The following SLC12A2 variants were observed in gnomAD, a reference collection of about 807,000 sequenced individuals.
The protein encoded by SLC12A2 is Na-K-2Cl cotransporter 1.
Under a neutral mutation model 136.3 loss-of-function variants are expected in SLC12A2, and 67 were observed. That is an observed-to-expected ratio of 0.49 (90% confidence interval 0.40 to 0.60). The LOEUF (loss-of-function observed/expected upper bound fraction) is 0.60. SLC12A2 is among the 20% of genes least tolerant of loss of function. The pLI, the probability that SLC12A2 is intolerant of heterozygous loss-of-function variation, is 0.00. For missense variants in SLC12A2, 1,322 were observed against 1,534.7 expected (o/e 0.86, Z 2.32); for synonymous variants, 619 against 562.9 (o/e 1.10, Z -1.41).
intron 5 of SLC12A2, among the ~76,000 whole-genome samples, chr5:128,132,956 T>G (rs1189388333): frequency 3.3e-5 from 5 of 152,182 alleles, no homozygotes; most frequent in Admixed American, 2.0e-4. Context: ...ATTTCAAACA[T>G]TTTAAACTAC....
At chr5:128,129,437 T>C (rs1263464902) in intron 4 of SLC12A2, among the ~76,000 whole-genome samples, 2 of 151,798 alleles carry the variant, frequency 1.3e-5, no homozygotes, top group Non-Finnish European at 2.9e-5. Context: ...GTCATTTTTA[T>C]CTCAAAATCA....
rs1421199063 is a variant in SLC12A2, at chr5:128,189,511, G to T, written c.*2880G>T. ...CTATGGAAATAATTTAAAGATTTAA[G>T]CTCTGGTGGATGATTATCTGCTAAG... On this transcript the variant is annotated 3_prime_UTR_variant, in exon 27 of 27. Transcript: ENST00000262461. The T allele has an allele frequency of 6.6e-6, 1 of 152,468 alleles. No homozygotes were observed. Among genetic ancestry groups the T allele is most frequent in the Non-Finnish European group, 1.5e-5 (1 of 67,996 alleles). The allele number at this position is 152,468 out of a possible 1,614,324, so 9.4% of individuals were successfully genotyped here. A position where few individuals can be genotyped will look rare whatever the true frequency, so the allele number is the denominator to read the frequency against.
At chr5:128,156,038 C>G (rs895916828) in intron 15 of SLC12A2, among the ~76,000 whole-genome samples, 1 of 152,050 alleles carries the variant, frequency 6.6e-6, no homozygotes, top group African/African-American at 2.4e-5. Context: ...TAAGCCCCAG[C>G]TTAGTAGGGT....
rs143096524 is a variant in SLC12A2, at chr5:128,158,661, C to T, written c.2475+497C>T. 8.3e-4 allele frequency among the ~76,000 whole-genome samples: 127 copies of T among 152,226 alleles called. 2 individuals carry two copies. In the East Asian group the frequency reaches 0.016, roughly 20 times the overall value. ...ATGTTGTGAATAGTGCTTCAATGAACGTACGCATGCATGTGTCTTTATGGT... is the reference window on the plus strand; with the variant it reads ...ATGTTGTGAATAGTGCTTCAATGAATGTACGCATGCATGTGTCTTTATGGT... On this transcript the variant is annotated intron_variant, in intron 16 of 26. Transcript: ENST00000262461.
chr5:128,151,808 A>G (rs758972396), intron 14 of SLC12A2, among the ~76,000 whole-genome samples: 1 of 152,118 alleles, frequency 6.6e-6, no homozygotes, highest in Non-Finnish European at 1.5e-5. Flanking sequence ...TGGTCCTTGA[A>G]CTGGAGTGAG....
In SLC12A2 at chr5:128,186,840, G is replaced by A. The variant is rs1763885247; in HGVS notation, c.*209G>A. On this transcript the variant is annotated 3_prime_UTR_variant, in exon 27 of 27. Coordinates refer to ENST00000262461, the MANE Select transcript of SLC12A2 (RefSeq NM_001046.3). ...TCAATTCCATATCTCAATCTTAATGGTGATTCTTCTCTGTTGAACTGAAGT... is the reference window on the plus strand; with the variant it reads ...TCAATTCCATATCTCAATCTTAATGATGATTCTTCTCTGTTGAACTGAAGT... 2 of 430,384 alleles carry A rather than the reference G, an allele frequency of 4.6e-6. No individual in the cohort carries two copies. Among genetic ancestry groups the A allele is most frequent in the Non-Finnish European group, 8.2e-6 (2 of 243,196 alleles). 26.7% of individuals were successfully genotyped at this position (430,384 alleles called of 1,614,324 possible). A position where few individuals can be genotyped will look rare whatever the true frequency, so the allele number is the denominator to read the frequency against.
intron 10 of SLC12A2, among the ~76,000 whole-genome samples, chr5:128,146,821 A>T (rs1292172590): frequency 6.6e-6 from 1 of 151,740 alleles, no homozygotes; most frequent in East Asian, 1.9e-4. Flanking sequence ...AGCCTTCCTA[A>T]TAGAAGTACA....
intron 26 of SLC12A2, among the ~76,000 whole-genome samples, chr5:128,186,142 A>T (rs1378477932): frequency 1.3e-5 from 2 of 152,182 alleles, no homozygotes; most frequent in East Asian, 3.9e-4. Flanking sequence ...TGCCTATAGT[A>T]TTCACTACAG....
intron 6 of SLC12A2, 76 bp downstream of exon 6, chr5:128,134,351 G>A (rs545403803): frequency 3.1e-5 from 24 of 780,704 alleles, no homozygotes; most frequent in African/African-American, 8.6e-5. Context: ...ACACTCTGAA[G>A]TATGGTAATA....
At chr5:128,139,238 T>TA (rs1198997113) in intron 9 of SLC12A2, among the ~76,000 whole-genome samples, 5 of 152,008 alleles carry the variant, frequency 3.3e-5, no homozygotes, top group African/African-American at 1.2e-4. Context: ...ATTTCACTCT[T>TA]ACAAATTTCT....
In SLC12A2 at chr5:128,181,058, G is replaced by C; in HGVS notation, c.3212+64G>C. The C allele has an allele frequency of 5.0e-6, 5 of 995,412 alleles. No homozygotes were observed. In the South Asian group the frequency reaches 7.0e-5, roughly 14 times the overall value. 61.7% of individuals were successfully genotyped at this position (995,412 alleles called of 1,614,324 possible). A position where few individuals can be genotyped will look rare whatever the true frequency, so the allele number is the denominator to read the frequency against. ...CACTTCATTGCTACAGTATAAATTT[G>C]ATAGGATAAAAATTAGACAATCCAG... On this transcript the variant is annotated intron_variant, in intron 23 of 26. Coordinates refer to ENST00000262461, the MANE Select transcript of SLC12A2 (RefSeq NM_001046.3).
intron 19 of SLC12A2, among the ~76,000 whole-genome samples, chr5:128,172,811 A>ATT (rs1220938473): frequency 1.3e-5 from 2 of 152,038 alleles, no homozygotes; most frequent in Admixed American, 1.3e-4. Flanking sequence ...AAATAGAAAA[A>ATT]TTAGTGGGGC....
intron 3 of SLC12A2, 130 bp downstream of exon 3, chr5:128,114,417 T>C: frequency 1.2e-6 from 1 of 829,912 alleles, no homozygotes; most frequent in South Asian, 1.7e-5. Flanking sequence ...ATTGTTATCT[T>C]GATGTTCCTT....
chr5:128,167,041 A>G (rs900133415), intron 17 of SLC12A2, among the ~76,000 whole-genome samples: 4 of 152,098 alleles, frequency 2.6e-5, no homozygotes, highest in African/African-American at 9.6e-5. Flanking sequence ...AAAATACAAT[A>G]TAACTTTATA....
At chr5:128,091,716 T>C (rs1403797968) in intron 1 of SLC12A2, among the ~76,000 whole-genome samples, 1 of 151,948 alleles carries the variant, frequency 6.6e-6, no homozygotes, top group Non-Finnish European at 1.5e-5. Context: ...AACTTGGGGG[T>C]TTCTAATTGG....
At position 128,114,203 on chromosome 5, in the gene SLC12A2, C is replaced by G; in HGVS notation, c.877-9C>G. 3.7e-6 allele frequency: 6 copies of G among 1,604,552 alleles called. No homozygotes were observed. The highest frequency in any genetic ancestry group is 4.3e-6 in the Non-Finnish European group (5 of 1,173,406). ...TCCTCTGTGTCTTGGCCTCTTTTTCCCTCTTTAGGTACGTTGTATGTTAAA... is the reference window on the plus strand; with the variant it reads ...TCCTCTGTGTCTTGGCCTCTTTTTCGCTCTTTAGGTACGTTGTATGTTAAA... On this transcript the variant is annotated splice_polypyrimidine_tract_variant and intron_variant, in intron 2 of 26. Coordinates refer to ENST00000262461, the MANE Select transcript of SLC12A2 (RefSeq NM_001046.3).
At chr5:128,178,534 T>G (rs1763602448) in intron 21 of SLC12A2, 33 bp from the exon 22 acceptor site, 2 of 1,486,764 alleles carry the variant, frequency 1.3e-6, no homozygotes, top group African/African-American at 1.4e-5. Context: ...ATATTTACTT[T>G]GCTTACATTT....
At chr5:128,096,762 A>C (rs1760553389) in intron 1 of SLC12A2, among the ~76,000 whole-genome samples, 1 of 152,112 alleles carries the variant, frequency 6.6e-6, no homozygotes, top group Non-Finnish European at 1.5e-5. Flanking sequence ...ATTATCAGGC[A>C]GATTTGCTGA....
intron 1 of SLC12A2, among the ~76,000 whole-genome samples, chr5:128,102,847 C>T (rs1354008003): frequency 4.0e-5 from 6 of 151,674 alleles, no homozygotes; most frequent in Non-Finnish European, 8.8e-5. Context: ...GTATTGAACT[C>T]CTGAGCTCAA....
Sources: allele counts gnomAD v4.1 joint callset (sites outside exome capture counted in the v4.1 genomes callset), GRCh38; gene constraint gnomAD v4.1.1; transcripts MANE v1.5; gene names NCBI Gene and HGNC (gene_info 2026-07-23, HGNC 2026-07-21).